Variants in ATAD2 observed in about 807,000 individuals in gnomAD.
The protein encoded by ATAD2 is ATPase family AAA domain-containing protein 2.
In ATAD2, 62 loss-of-function variants were observed where a neutral mutation model predicts 168.9. The observed-to-expected ratio is 0.37, with a 90% CI of 0.30 to 0.45. The LOEUF is 0.45. ATAD2 is among the 20% of genes least tolerant of loss of function. ATAD2 has a pLI of 1.00. For missense variants in ATAD2, 1,419 were observed against 1,667.8 expected, an observed-to-expected ratio of 0.85 and a Z score of 2.60; for synonymous variants, 613 against 571.6, an observed-to-expected ratio of 1.07 and a Z score of -1.03.
At chr8:123,332,333 C>T (rs1479828236) in intron 24 of ATAD2, among the ~76,000 whole-genome samples, 1 of 152,032 alleles carries the variant, frequency 6.6e-6, no homozygotes, top group African/African-American at 2.4e-5. Flanking sequence ...GAATATCCAC[C>T]AACAGAAGAA....
rs1828272686 is a variant in ATAD2 at position 123,347,121 on chromosome 8, T to C, written c.2183A>G (p.Glu728Gly). 2 of 1,613,186 alleles carry C rather than the reference T, an allele frequency of 1.2e-6. No homozygotes were observed. The highest frequency in any genetic ancestry group is 8.5e-7 in the Non-Finnish European group (1 of 1,179,496). ...EALQRVFPHA[E>G]FRTNKTLDSD... ...GTCTAATGTTTTATTTGTTCTGAAT[T>C]CTGCATGTGGAAATACTCTCTGCAG... Residue 728 changes from glutamate to glycine, a missense_variant, in exon 16 of 28, where the codon GAA (glutamate) becomes GGA (glycine). This residue lies in a region of ATAD2 where 545 missense variants were observed against 724.9 expected (regional missense o/e 0.75). Coordinates refer to ENST00000287394, the MANE Select transcript of ATAD2 (RefSeq NM_014109.4).
intron 1 of ATAD2, among the ~76,000 whole-genome samples, chr8:123,391,783 A>C (rs558378350): frequency 6.0e-4 from 92 of 152,324 alleles, no homozygotes; most frequent in African/African-American, 2.1e-3. Context: ...GGCATGTTTC[A>C]TTTTTGGTAC....
At chr8:123,371,920 G>T in intron 3 of ATAD2, 85 bp from the exon 4 acceptor site, 3 of 1,258,292 alleles carry the variant, frequency 2.4e-6, no homozygotes, top group Non-Finnish European at 3.1e-6. Flanking sequence ...CAATTGAAAA[G>T]CTATACTTTC....
At chr8:123,378,950 C>A (rs986792762) in intron 2 of ATAD2, among the ~76,000 whole-genome samples, 3 of 151,754 alleles carry the variant, frequency 2.0e-5, no homozygotes, top group African/African-American at 7.3e-5. Context: ...CGACACCATG[C>A]CCAGATAATT....
chr8:123,334,610 T>C (rs568881625), intron 22 of ATAD2, among the ~76,000 whole-genome samples: 1 of 152,076 alleles, frequency 6.6e-6, no homozygotes, highest in Non-Finnish European at 1.5e-5. Flanking sequence ...TAGCAAGAGA[T>C]TAAACATGAT....
chr8:123,366,791 T>C (rs1305707560), intron 8 of ATAD2, among the ~76,000 whole-genome samples: 1 of 152,008 alleles, frequency 6.6e-6, no homozygotes, highest in Non-Finnish European at 1.5e-5. Context: ...CAATGTATAC[T>C]GCTTGGGTGA....
At chr8:123,379,881 A>ATTT (rs1449693438) in intron 2 of ATAD2, among the ~76,000 whole-genome samples, 2 of 126,048 alleles carry the variant, frequency 1.6e-5, no homozygotes, top group East Asian at 4.8e-4. Flanking sequence ...TATTATTATT[A>ATTT]TTATTATTAT....
intron 1 of ATAD2, among the ~76,000 whole-genome samples, chr8:123,392,306 G>C (rs765400795): frequency 6.6e-5 from 10 of 152,138 alleles, no homozygotes; most frequent in South Asian, 4.1e-4. Context: ...AAGGTGACAA[G>C]TGCTAGGAGA....
intron 17 of ATAD2, 131 bp downstream of exon 17, chr8:123,346,487 C>T: frequency 9.2e-7 from 1 of 1,084,300 alleles, no homozygotes; most frequent in Non-Finnish European, 1.3e-6. Context: ...ACTGTAACAA[C>T]AAAAAATTTC....
chr8:123,366,014 T>C (rs1383610705), intron 8 of ATAD2, among the ~76,000 whole-genome samples: 1 of 152,036 alleles, frequency 6.6e-6, no homozygotes, highest in Non-Finnish European at 1.5e-5. Flanking sequence ...ATCTTCACAA[T>C]CTATACATCT....
intron 1 of ATAD2, among the ~76,000 whole-genome samples, chr8:123,414,478 G>A (rs573935946): frequency 2.3e-4 from 35 of 152,204 alleles, no homozygotes; most frequent in Non-Finnish European, 4.7e-4. Flanking sequence ...AATTATGTTA[G>A]CTGCGCACGG....
chr8:123,392,205 A>G (rs961546645), intron 1 of ATAD2, among the ~76,000 whole-genome samples: 2 of 152,322 alleles, frequency 1.3e-5, no homozygotes, highest in African/African-American at 4.8e-5. Flanking sequence ...ATTGCCAAAA[A>G]AAAAGTCAAA....
At chr8:123,364,794 CTA>C (rs1828922203) in intron 8 of ATAD2, among the ~76,000 whole-genome samples, 1 of 152,142 alleles carries the variant, frequency 6.6e-6, no homozygotes, top group Non-Finnish European at 1.5e-5. Context: ...TAAAAGCCAT[CTA>C]TGACAAATCC....
At chr8:123,398,296 T>C (rs1202014726), upstream of ATAD2, among the ~76,000 whole-genome samples, 4 of 142,972 alleles carry the variant, frequency 2.8e-5, no homozygotes, top group Non-Finnish European at 6.0e-5. Flanking sequence ...AGTGGCATGA[T>C]CTCAGCTAAC....
Position 123,369,830 on chromosome 8 carries a change from G to A in ATAD2, c.922C>T (p.Pro308Ser), listed in dbSNP as rs770664227. 1.6e-5 allele frequency: 26 copies of A among 1,609,604 alleles called. No individual in the cohort carries two copies. The highest frequency in any genetic ancestry group is 2.7e-5 in the African/African-American group (2 of 74,786). The change falls in exon 7 of 28, where the codon CCA becomes TCA. Residue 308 changes from proline (P) to serine (S), a missense_variant. Physicochemically the swap from Pro to Ser is moderately conservative, Grantham distance 74. Transcript: ENST00000287394. Reference sequence around the variant, plus strand: ...TATGTATAGCACTTACTTTCCAATGGAGCCTGATAGTAAACAGTAGCTTTT... The same window carrying A: ...TATGTATAGCACTTACTTTCCAATGAAGCCTGATAGTAAACAGTAGCTTTT... The part of the protein sequence containing the change: ...QRKATVYYQA[P>S]LEKPRHQRKP...
intron 8 of ATAD2, among the ~76,000 whole-genome samples, chr8:123,364,645 C>T (rs928727012): frequency 6.6e-6 from 1 of 152,130 alleles, no homozygotes; most frequent in South Asian, 2.1e-4. Flanking sequence ...AAATGTGATA[C>T]ACCACATAAA....
intron 17 of ATAD2, 139 bp downstream of exon 17, chr8:123,346,479 T>C: frequency 9.6e-7 from 1 of 1,043,894 alleles, no homozygotes; most frequent in Non-Finnish European, 1.3e-6. Flanking sequence ...TTGTGACAAC[T>C]GTAACAACAA....
chr8:123,370,182 G>C (rs1410604397), intron 6 of ATAD2, among the ~76,000 whole-genome samples, 158 bp from the exon 7 acceptor site: 1 of 148,816 alleles, frequency 6.7e-6, no homozygotes, highest in Non-Finnish European at 1.5e-5. Flanking sequence ...TCTACTCCTA[G>C]ATTGTTCATG....
chr8:123,341,986 T>C (rs1384154169), intron 19 of ATAD2, among the ~76,000 whole-genome samples: 1 of 152,132 alleles, frequency 6.6e-6, no homozygotes, highest in Non-Finnish European at 1.5e-5. Context: ...CTCGGGAGGC[T>C]GAGGCAGGAT....
Sources: allele counts gnomAD v4.1 joint callset (sites outside exome capture counted in the v4.1 genomes callset), GRCh38; gene constraint gnomAD v4.1.1; regional missense constraint gnomAD v4.1.1; transcripts MANE v1.5; gene names NCBI Gene and HGNC (gene_info 2026-07-23, HGNC 2026-07-21).